CCND1: variants seen among roughly 807,000 people sequenced by gnomAD.
CCND1 encodes the protein G1/S-specific cyclin-D1.
Under a neutral mutation model 26.1 loss-of-function variants are expected in CCND1, and 9 were observed. That is an observed-to-expected ratio of 0.35 (90% confidence interval 0.21 to 0.60). The LOEUF (loss-of-function observed/expected upper bound fraction) is 0.60, where lower values mean the gene tolerates loss of function less well. CCND1 is among the 20% of genes least tolerant of loss of function. The pLI is 0.79. For synonymous variants in CCND1, 194 were observed against 166.1 expected, an observed-to-expected ratio of 1.17 and a Z score of -1.29; for missense variants, 335 against 392.9, an observed-to-expected ratio of 0.85 and a Z score of 1.25.
rs967545535 is a variant in CCND1, at chr11:69,651,341, T to C, written c.*59T>C. ...CAGCGAGGGCGGAGCCGGCCCCAGG[T>C]GCTCCCCTGACAGTCCCTCCTCTCC... On this transcript the variant is annotated 3_prime_UTR_variant, in exon 5 of 5. Coordinates refer to ENST00000227507, the MANE Select transcript of CCND1 (RefSeq NM_053056.3). 19 of 1,377,754 alleles carry C rather than the reference T, an allele frequency of 1.4e-5. No individual in the cohort carries two copies. Among genetic ancestry groups the C allele is most frequent in the Non-Finnish European group, 1.7e-5 (18 of 1,051,766 alleles). 85.3% of individuals were successfully genotyped at this position (1,377,754 alleles called of 1,614,324 possible). A position where few individuals can be genotyped will look rare whatever the true frequency, so the allele number is the denominator to read the frequency against.
At chr11:69,642,090 C>T (rs1855711542) in intron 1 of CCND1, among the ~76,000 whole-genome samples, 2 of 125,730 alleles carry the variant, frequency 1.6e-5, no homozygotes, top group South Asian at 5.3e-4. Flanking sequence ...CGGGAGCCCG[C>T]GGGAGGGGCG....
At chr11:69,642,453 A>G (rs1855719469) in intron 1 of CCND1, among the ~76,000 whole-genome samples, 1 of 151,998 alleles carries the variant, frequency 6.6e-6, no homozygotes, top group Non-Finnish European at 1.5e-5. Flanking sequence ...CGGAGTTTGA[A>G]TTCCTGGGGC....
rs1855810802 is a variant in CCND1, at chr11:69,648,268, C to T, written c.723+126C>T. On this transcript the variant is annotated intron_variant, in intron 4 of 4. Coordinates refer to ENST00000227507, the MANE Select transcript of CCND1 (RefSeq NM_053056.3). ...GACAAGGTTGGGGCTGGGGCTGGGCCCCTCGGACCCCAGGCCACAGACTGA... is the reference window on the plus strand; with the variant it reads ...GACAAGGTTGGGGCTGGGGCTGGGCTCCTCGGACCCCAGGCCACAGACTGA... 1.9e-6 allele frequency: 2 copies of T among 1,032,922 alleles called. 1 individual carries two copies. The highest frequency in any genetic ancestry group is 3.2e-5 in the South Asian group (2 of 63,384). 64.0% of individuals were successfully genotyped at this position (1,032,922 alleles called of 1,614,324 possible).
At chr11:69,643,756 C>T (rs1378014133) in intron 2 of CCND1, 76 bp from the exon 3 acceptor site, 11 of 1,448,484 alleles carry the variant, frequency 7.6e-6, no homozygotes, top group African/African-American at 1.4e-5. Context: ...GTGGCCCGGC[C>T]CCCGTGCTGC....
Position 69,643,265 on chromosome 11 carries a change from C to T in CCND1, c.414+19C>T, listed in dbSNP as rs3212864. The T allele has an allele frequency of 6.6e-7, 1 of 1,521,994 alleles. No homozygotes were observed. Among genetic ancestry groups the T allele is most frequent in the East Asian group, 2.5e-5 (1 of 40,348 alleles). 94.3% of individuals were successfully genotyped at this position (1,521,994 alleles called of 1,614,324 possible). A position where few individuals can be genotyped will look rare whatever the true frequency, so the allele number is the denominator to read the frequency against. On this transcript the variant is annotated intron_variant, in intron 2 of 4. Transcript: ENST00000227507. The stretch of plus-strand genomic sequence containing the variant: ...GCTGCTGGTAACCACTGGACCCCGC[C>T]GCCCCCCGCCCCCCGCGAGCCGCAC...
chr11:69,645,197 G>C (rs975998014), intron 3 of CCND1, among the ~76,000 whole-genome samples: 3 of 152,224 alleles, frequency 2.0e-5, no homozygotes, highest in African/African-American at 7.2e-5. Context: ...GCATGCGGCA[G>C]ACAGGGAGGC....
rs1176469241 is a variant in CCND1, at chr11:69,643,960, C to T, written c.543C>T (p.His181=). 2.5e-6 allele frequency: 4 copies of T among 1,613,366 alleles called. No individual in the cohort carries two copies. Among genetic ancestry groups the T allele is most frequent in the Non-Finnish European group, 2.5e-6 (3 of 1,180,024 alleles). Residue 181 remains histidine, a synonymous_variant, in exon 3 of 5, where the codon CAC becomes CAT. Transcript: ENST00000227507. ...AGAACAAACAGATCATCCGCAAACACGCGCAGACCTTCGTTGCCCTCTGTG... is the reference window on the plus strand; with the variant it reads ...AGAACAAACAGATCATCCGCAAACATGCGCAGACCTTCGTTGCCCTCTGTG... ...AEENKQIIRK[H]AQTFVALCAT... is the part of the protein sequence containing the mutation.
At chr11:69,647,940 G>A (rs1037969165) in intron 3 of CCND1, 54 bp from the exon 4 acceptor site, 3 of 1,595,342 alleles carry the variant, frequency 1.9e-6, no homozygotes, top group East Asian at 2.2e-5. Flanking sequence ...GATCACGGGG[G>A]CCCTGAGAGG....
chr11:69,648,186 G>A (rs1486888145), intron 4 of CCND1, 44 bp downstream of exon 4: 3 of 1,609,012 alleles, frequency 1.9e-6, no homozygotes, highest in Non-Finnish European at 8.5e-7. Context: ...GGGGCTTACA[G>A]GGGGAGACAC....
chr11:69,643,757 C>G (rs1226199263), intron 2 of CCND1, 75 bp from the exon 3 acceptor site: 4 of 1,459,470 alleles, frequency 2.7e-6, no homozygotes, highest in Non-Finnish European at 2.8e-6. Context: ...TGGCCCGGCC[C>G]CCGTGCTGCC....
Position 69,641,325 on chromosome 11 carries a change from G to A in CCND1, c.12G>A (p.Gln4=), listed in dbSNP as rs1356268873. 6.2e-7 allele frequency: 1 copy of A among 1,612,058 alleles called. No individual in the cohort carries two copies. The highest frequency in any genetic ancestry group is 2.2e-5 in the East Asian group (1 of 44,872). Residue 4 remains glutamine (Q), a synonymous_variant, in exon 1 of 5, where the codon CAG becomes CAA. Coordinates refer to ENST00000227507, the MANE Select transcript of CCND1 (RefSeq NM_053056.3). MEH[Q]LLCCEVETIR... is the part of the protein sequence containing the mutation. ...GAAGAGCCCCAGCCATGGAACACCA[G>A]CTCCTGTGCTGCGAAGTGGAAACCA...
At chr11:69,642,188 C>T (rs1409142475) in intron 1 of CCND1, among the ~76,000 whole-genome samples, 1 of 152,102 alleles carries the variant, frequency 6.6e-6, no homozygotes, top group East Asian at 1.9e-4. Flanking sequence ...GCGCCCCGAA[C>T]GGGCAGCCTG....
Position 69,643,263 on chromosome 11 carries a change from G to GCCGTCCC in CCND1, c.414+20_414+21insTCCCCCG, listed in dbSNP as rs1855733460. On this transcript the variant is annotated intron_variant, in intron 2 of 4. Coordinates refer to ENST00000227507, the MANE Select transcript of CCND1 (RefSeq NM_053056.3). Reference sequence around the variant, plus strand: ...GAGCTGCTGGTAACCACTGGACCCCGCCGCCCCCCGCCCCCCGCGAGCCGC... The same window carrying GCCGTCCC: ...GAGCTGCTGGTAACCACTGGACCCCGCCGTCCCCCGCCCCCCGCCCCCCGCGAGCCGC... The GCCGTCCC allele has an allele frequency of 6.5e-7, 1 of 1,531,772 alleles. No homozygotes were observed. Among genetic ancestry groups the GCCGTCCC allele is most frequent in the African/African-American group, 1.4e-5 (1 of 72,018 alleles). The allele number at this position is 1,531,772 out of a possible 1,614,324, so 94.9% of individuals were successfully genotyped here. A position where few individuals can be genotyped will look rare whatever the true frequency, so the allele number is the denominator to read the frequency against.
intron 2 of CCND1, 199 bp from the exon 3 acceptor site, chr11:69,643,633 G>T: frequency 1.9e-6 from 1 of 533,186 alleles, no homozygotes; most frequent in Non-Finnish European, 3.3e-6. Context: ...GTTTTGATCT[G>T]GGATTGCGTG....
chr11:69,647,413 G>C (rs1042656644), intron 3 of CCND1, among the ~76,000 whole-genome samples: 3 of 151,958 alleles, frequency 2.0e-5, no homozygotes, highest in African/African-American at 4.8e-5. Context: ...CGCCCTGAAG[G>C]CTGCCGGCCA....
chr11:69,645,321 G>A (rs2120099757), intron 3 of CCND1, among the ~76,000 whole-genome samples: 1 of 152,330 alleles, frequency 6.6e-6, no homozygotes, highest in Admixed American at 6.5e-5. Context: ...AGAACGTGGG[G>A]CGTGGTTCTT....
At chr11:69,644,980 C>G (rs1855760791) in intron 3 of CCND1, among the ~76,000 whole-genome samples, 1 of 152,180 alleles carries the variant, frequency 6.6e-6, no homozygotes, top group Non-Finnish European at 1.5e-5. Context: ...GCAGAGCCCC[C>G]CAAGCCTACT....
At chr11:69,648,303 G>A (rs922988049) in intron 4 of CCND1, 161 bp downstream of exon 4, 7 of 708,678 alleles carry the variant, frequency 9.9e-6, no homozygotes, top group Admixed American at 5.7e-5. Context: ...ACAGGGCACC[G>A]GCTTCTTCCA....
intron 1 of CCND1, among the ~76,000 whole-genome samples, chr11:69,642,168 G>C (rs1041012478): frequency 3.3e-5 from 5 of 151,642 alleles, no homozygotes; most frequent in African/African-American, 1.2e-4. Flanking sequence ...TTCAAGCAGC[G>C]AGTCCCGGGG....
Sources: gnomAD v4.1 joint callset for allele counts (sites outside exome capture counted in the v4.1 genomes callset) on GRCh38, gnomAD v4.1.1 for gene constraint, MANE v1.5 for transcripts, NCBI Gene and HGNC (gene_info 2026-07-23, HGNC 2026-07-21) for gene names.